Variants in DRC3 observed in about 807,000 individuals in gnomAD.
DRC3 encodes the protein leucine rich repeat containing 48.
In DRC3, 45 loss-of-function variants were observed where a neutral mutation model predicts 57.6. The ratio of observed to expected loss-of-function variants is 0.78; its 90% confidence interval spans 0.62 to 1.00. The LOEUF (loss-of-function observed/expected upper bound fraction) is 1.00. Ranked by LOEUF, DRC3 falls within the 50% of genes least tolerant of loss-of-function variation. DRC3 has a pLI of 0.00. For synonymous variants in DRC3, 257 were observed against 272.3 expected (o/e 0.94, Z 0.55); for missense variants, 655 against 675.2 (o/e 0.97, Z 0.33).
At chr17:17,996,490 T>C (rs919605382) in intron 8 of DRC3, among the ~76,000 whole-genome samples, 6 of 152,140 alleles carry the variant, frequency 3.9e-5, no homozygotes, top group Admixed American at 3.3e-4. Flanking sequence ...TCATTCACTA[T>C]CATGAGAACA....
At chr17:17,980,594 A>ATTTTTT (rs35688948) in intron 3 of DRC3, among the ~76,000 whole-genome samples, 1 of 108,480 alleles carries the variant, frequency 9.2e-6, no homozygotes. Context: ...TGCGCCCAGC[A>ATTTTTT]TTTTTTTTTT....
At chr17:18,000,431 G>T (rs2043680711) in intron 9 of DRC3, among the ~76,000 whole-genome samples, 1 of 152,072 alleles carries the variant, frequency 6.6e-6, no homozygotes, top group Non-Finnish European at 1.5e-5. Flanking sequence ...ATGCATCTTG[G>T]AGAGCCTTCC....
intron 9 of DRC3, among the ~76,000 whole-genome samples, chr17:18,001,229 C>T (rs927854525): frequency 1.3e-5 from 2 of 152,030 alleles, no homozygotes; most frequent in African/African-American, 2.4e-5. Context: ...CCTGGCTGGG[C>T]GTGGTAGCTC....
At chr17:18,012,775 T>G (rs2044214753) in intron 12 of DRC3, among the ~76,000 whole-genome samples, 1 of 151,378 alleles carries the variant, frequency 6.6e-6, no homozygotes, top group African/African-American at 2.4e-5. Flanking sequence ...ATTTTATGAA[T>G]AAGACCTCAA....
chr17:17,980,248 T>G (rs995634828), intron 3 of DRC3, among the ~76,000 whole-genome samples: 2 of 151,962 alleles, frequency 1.3e-5, no homozygotes, highest in Non-Finnish European at 2.9e-5. Context: ...TGTATGTTTT[T>G]TTTTTGTTTG....
intron 5 of DRC3, among the ~76,000 whole-genome samples, chr17:17,989,998 A>G (rs1472474346): frequency 6.6e-6 from 1 of 152,242 alleles, no homozygotes; most frequent in Admixed American, 6.5e-5. Flanking sequence ...CAGAGCTTCA[A>G]GGACGTGAGT....
intron 4 of DRC3, among the ~76,000 whole-genome samples, chr17:17,985,697 A>G (rs1314483314): frequency 6.6e-6 from 1 of 152,302 alleles, no homozygotes; most frequent in East Asian, 1.9e-4. Context: ...TTTACACCAC[A>G]GAAATGAGCA....
At chr17:17,980,461 A>AT (rs937373084) in intron 3 of DRC3, among the ~76,000 whole-genome samples, 3 of 151,386 alleles carry the variant, frequency 2.0e-5, no homozygotes, top group Non-Finnish European at 2.9e-5. Context: ...CGCCTGGCTA[A>AT]TTTTTTTTAT....
At chr17:17,990,501 G>A (rs2043179313) in intron 5 of DRC3, among the ~76,000 whole-genome samples, 1 of 152,228 alleles carries the variant, frequency 6.6e-6, no homozygotes, top group South Asian at 2.1e-4. Context: ...CCTTGCCTGT[G>A]CTGTCTTGGC....
rs565759191 is a variant in DRC3, at chr17:18,004,370, G to A, written c.1007G>A (p.Ser336Asn). ...KFEEKHLSSL[S>N]AIREELELPN... The stretch of plus-strand genomic sequence containing the variant: ...GCAGTCTATTGTTTCTAGAGTTTAA[G>A]TGCCATTCGAGAGGAGTTGGAACTG... The change falls in exon 10 of 14, where the codon AGT (serine) becomes AAT (asparagine). Residue 336 changes from serine (S) to asparagine (N), a missense_variant. By Grantham distance (46) the Ser-to-Asn change is conservative. Transcript: ENST00000399187. 7 of 1,602,298 alleles carry A rather than the reference G, an allele frequency of 4.4e-6. No individual in the cohort carries two copies. In the South Asian group the frequency reaches 5.6e-5, roughly 13 times the overall value.
At chr17:18,006,105 C>A in intron 10 of DRC3, 78 bp from the exon 11 acceptor site, 1 of 1,060,072 alleles carries the variant, frequency 9.4e-7, no homozygotes, top group Non-Finnish European at 1.4e-6. Flanking sequence ...GAGCTGGTTG[C>A]TAAATTTTGA....
intron 9 of DRC3, among the ~76,000 whole-genome samples, chr17:18,002,125 G>A (rs946391171): frequency 2.1e-4 from 32 of 151,726 alleles, no homozygotes; most frequent in Non-Finnish European, 1.2e-4. Context: ...CCAAGATCAC[G>A]TCACTGCACT....
intron 5 of DRC3, among the ~76,000 whole-genome samples, chr17:17,990,176 C>A (rs1195802611): frequency 1.3e-5 from 2 of 152,194 alleles, no homozygotes; most frequent in Non-Finnish European, 1.5e-5. Context: ...CCCTCAGGGT[C>A]TACACTGACC....
intron 12 of DRC3, chr17:18,010,762 C>T (rs761804147): frequency 7.8e-6 from 2 of 256,992 alleles, no homozygotes; most frequent in Non-Finnish European, 1.5e-5. Context: ...GGGGCTGAGG[C>T]TGCGGGGAGC....
At chr17:17,993,622 C>T (rs2043326670) in intron 6 of DRC3, 1 of 152,902 alleles carries the variant, frequency 6.5e-6, no homozygotes, top group South Asian at 2.1e-4. Flanking sequence ...CAGAGGGAAC[C>T]AGGCCATCAG....
chr17:18,004,303 C>G (rs1447498255), intron 9 of DRC3, 60 bp from the exon 10 acceptor site: 1 of 1,537,788 alleles, frequency 6.5e-7, no homozygotes, highest in African/African-American at 1.4e-5. Flanking sequence ...CAAATTGCCA[C>G]CTGCCATTAT....
At chr17:18,007,205 T>C in intron 12 of DRC3, 58 bp downstream of exon 12, 1 of 11,482 alleles carries the variant, frequency 8.7e-5, no homozygotes, top group Non-Finnish European at 1.4e-4. Flanking sequence ...GCTCTGTGGC[T>C]GGACTGAGGC....
Position 17,977,691 on chromosome 17 carries a change from C to T in DRC3, c.93C>T (p.Ala31=), listed in dbSNP as rs369297854. 151 of 1,613,648 alleles carry T rather than the reference C, an allele frequency of 9.4e-5. 1 individual carries two copies. The highest frequency in any genetic ancestry group is 8.2e-4 in the South Asian group (75 of 91,068). Residue 31 remains alanine (A), a synonymous_variant, in exon 3 of 14, where the codon GCC becomes GCT. Transcript: ENST00000399187. ...AVGDQGPQEE[A]GQLAKQEGIL... ...GGGACCAGGGCCCCCAGGAGGAGGC[C>T]GGGCAGCTGGCCAAGCAGGAGGGCA...
chr17:17,977,485 A>G, intron 2 of DRC3, 97 bp from the exon 3 acceptor site: 1 of 1,360,188 alleles, frequency 7.4e-7, no homozygotes, highest in Non-Finnish European at 1.0e-6. Context: ...TCAGAGTGCC[A>G]GTGGCCACAA....
Sources: gnomAD v4.1 joint callset for allele counts (sites outside exome capture counted in the v4.1 genomes callset) on GRCh38, gnomAD v4.1.1 for gene constraint, MANE v1.5 for transcripts, NCBI Gene and HGNC (gene_info 2026-07-23, HGNC 2026-07-21) for gene names.